The following EDIL3 variants were observed in gnomAD, a reference collection of about 807,000 sequenced individuals.
EDIL3 encodes the protein EGF-like repeat and discoidin I-like domain-containing protein 3.
EDIL3 carries 37 observed loss-of-function variants against 67.4 expected under a neutral mutation model. The observed-to-expected ratio is 0.55, with a 90% confidence interval of 0.42 to 0.72. The LOEUF is 0.72. Ranked by LOEUF, EDIL3 falls within the 30% of genes least tolerant of loss-of-function variation. EDIL3 has a pLI of 0.00. For synonymous variants in EDIL3, 195 were observed against 196.3 expected (o/e 0.99, Z 0.05); for missense variants, 527 against 586.3 (o/e 0.90, Z 1.04).
intron 9 of EDIL3, among the ~76,000 whole-genome samples, chr5:83,971,828 C>T (rs1261821530): frequency 1.3e-5 from 2 of 152,014 alleles, no homozygotes; most frequent in African/African-American, 4.8e-5. Flanking sequence ...GACATTTAGG[C>T]AGTACAGTTT....
intron 3 of EDIL3, among the ~76,000 whole-genome samples, chr5:84,183,791 C>T (rs897996158): frequency 2.0e-5 from 3 of 152,062 alleles, no homozygotes; most frequent in Non-Finnish European, 4.4e-5. Context: ...AAGTCCTCTG[C>T]GAGTTCTTGA....
chr5:84,333,250 G>A (rs1479449320), intron 1 of EDIL3, among the ~76,000 whole-genome samples: 2 of 152,090 alleles, frequency 1.3e-5, no homozygotes, highest in Non-Finnish European at 2.9e-5. Context: ...ATTTCACTAA[G>A]TAAAACAGTA....
At chr5:84,316,941 T>A (rs1294356720) in intron 1 of EDIL3, among the ~76,000 whole-genome samples, 1 of 152,062 alleles carries the variant, frequency 6.6e-6, no homozygotes, top group Non-Finnish European at 1.5e-5. Flanking sequence ...AAACTAGAAC[T>A]CAGGATTAAG....
At chr5:84,285,580 ATGT>A (rs1389833935) in intron 1 of EDIL3, among the ~76,000 whole-genome samples, 9 of 152,238 alleles carry the variant, frequency 5.9e-5, no homozygotes, top group African/African-American at 2.2e-4. Flanking sequence ...TATAAAATTA[ATGT>A]TGTTCATACT....
intron 4 of EDIL3, among the ~76,000 whole-genome samples, chr5:84,164,231 T>C (rs1748664672): frequency 6.6e-6 from 1 of 152,074 alleles, no homozygotes; most frequent in Non-Finnish European, 1.5e-5. Context: ...TTGGGAAGAA[T>C]AGGAACGTAG....
intron 9 of EDIL3, among the ~76,000 whole-genome samples, chr5:84,006,809 TA>T (rs1404769893): frequency 6.6e-6 from 1 of 152,130 alleles, no homozygotes; most frequent in Non-Finnish European, 1.5e-5. Context: ...TTTAACATTA[TA>T]AAATTTTAAA....
chr5:84,254,592 C>T (rs1321489538), intron 1 of EDIL3, among the ~76,000 whole-genome samples: 1 of 152,164 alleles, frequency 6.6e-6, no homozygotes, highest in Non-Finnish European at 1.5e-5. Context: ...CTCTTTAACT[C>T]TTTAAAGGAC....
chr5:84,309,258 A>G (rs928155835), intron 1 of EDIL3, among the ~76,000 whole-genome samples: 3 of 147,778 alleles, frequency 2.0e-5, no homozygotes, highest in Non-Finnish European at 4.5e-5. Context: ...CAAGCCAACA[A>G]TGCTATCTTT....
chr5:84,102,629 A>AC (rs1274733369), intron 6 of EDIL3, among the ~76,000 whole-genome samples: 6 of 151,760 alleles, frequency 4.0e-5, no homozygotes, highest in African/African-American at 9.7e-5. Context: ...ACAAAACAAA[A>AC]AAAAAACGAA....
At chr5:84,101,360 G>A (rs977856196) in intron 6 of EDIL3, among the ~76,000 whole-genome samples, 2 of 151,838 alleles carry the variant, frequency 1.3e-5, no homozygotes, top group Non-Finnish European at 2.9e-5. Flanking sequence ...ATTATTCTGA[G>A]AATTAAATTT....
At chr5:84,283,663 T>C (rs1273591717) in intron 1 of EDIL3, among the ~76,000 whole-genome samples, 1 of 152,186 alleles carries the variant, frequency 6.6e-6, no homozygotes, top group Non-Finnish European at 1.5e-5. Flanking sequence ...AATCTCTCAT[T>C]ATCACTGGGC....
chr5:84,112,971 C>A (rs1216371596), intron 5 of EDIL3, among the ~76,000 whole-genome samples: 5 of 152,028 alleles, frequency 3.3e-5, no homozygotes, highest in Admixed American at 2.6e-4. Context: ...CTCAAAGGTA[C>A]ACAGATATAG....
At chr5:84,377,022 A>G (rs1234835638) in intron 1 of EDIL3, among the ~76,000 whole-genome samples, 1 of 152,206 alleles carries the variant, frequency 6.6e-6, no homozygotes, top group Non-Finnish European at 1.5e-5. Flanking sequence ...TTGGAAAGAA[A>G]ATGTGATAAA....
chr5:84,378,796 T>C (rs1013853980), intron 1 of EDIL3, among the ~76,000 whole-genome samples: 2 of 152,192 alleles, frequency 1.3e-5, no homozygotes, highest in Non-Finnish European at 2.9e-5. Context: ...AAATCCTGAG[T>C]TGCTCCATGA....
At chr5:84,339,507 G>T (rs1179375546) in intron 1 of EDIL3, among the ~76,000 whole-genome samples, 1 of 151,950 alleles carries the variant, frequency 6.6e-6, no homozygotes, top group Non-Finnish European at 1.5e-5. Flanking sequence ...CTATGCATTG[G>T]CTTAACTCTT....
intron 9 of EDIL3, among the ~76,000 whole-genome samples, chr5:83,981,712 G>A (rs1359905217): frequency 6.6e-6 from 1 of 152,024 alleles, no homozygotes. Context: ...AGGTCAAGCA[G>A]AAACTAATAA....
Position 84,384,493 on chromosome 5 carries a change from G to T in EDIL3, c.-119C>A. On this transcript the variant is annotated 5_prime_UTR_variant, in exon 1 of 11. Coordinates refer to ENST00000296591, the MANE Select transcript of EDIL3 (RefSeq NM_005711.5). ...CCCCTACTAAAGAATTCAAGAAGACGTTCTCTTTCCTCAGCGCTTTGTTAA... is the reference window on the plus strand; with the variant it reads ...CCCCTACTAAAGAATTCAAGAAGACTTTCTCTTTCCTCAGCGCTTTGTTAA... 1.1e-6 allele frequency: 1 copy of T among 938,924 alleles called. No homozygotes were observed. Among genetic ancestry groups the T allele is most frequent in the Non-Finnish European group, 1.6e-6 (1 of 611,690 alleles). 58.2% of individuals were successfully genotyped at this position (938,924 alleles called of 1,614,324 possible). A position where few individuals can be genotyped will look rare whatever the true frequency, so the allele number is the denominator to read the frequency against.
At chr5:84,177,159 T>C (rs528438225) in intron 4 of EDIL3, among the ~76,000 whole-genome samples, 1 of 152,260 alleles carries the variant, frequency 6.6e-6, no homozygotes, top group African/African-American at 2.4e-5. Flanking sequence ...CAGCTTTATT[T>C]ATAATTGCCC....
chr5:84,198,172 T>C (rs1047889863), intron 3 of EDIL3, among the ~76,000 whole-genome samples: 19 of 151,986 alleles, frequency 1.3e-4, no homozygotes, highest in Non-Finnish European at 5.9e-5. Flanking sequence ...TTTCTTCCAC[T>C]GTGATTAGCA....
Sources: gnomAD v4.1 joint callset for allele counts (sites outside exome capture counted in the v4.1 genomes callset) on GRCh38, gnomAD v4.1.1 for gene constraint, MANE v1.5 for transcripts, NCBI Gene and HGNC (gene_info 2026-07-23, HGNC 2026-07-21) for gene names.